C6orf141: variants seen among roughly 807,000 people sequenced by gnomAD.
C6orf141 encodes the protein uncharacterized protein C6orf141.
For missense variants in C6orf141, 361 were observed against 335.8 expected, an observed-to-expected ratio of 1.07 and a Z score of -0.59; for synonymous variants, 164 against 140.5, an observed-to-expected ratio of 1.17 and a Z score of -1.18.
downstream of C6orf141, among the ~76,000 whole-genome samples, chr6:49,555,733 C>T (rs561633616): frequency 2.0e-5 from 3 of 152,076 alleles, no homozygotes; most frequent in South Asian, 6.2e-4. Flanking sequence ...TGGTCTCGAT[C>T]TCCTGATCTC....
At position 49,551,271 on chromosome 6, in the gene C6orf141, T is replaced by G. The variant is rs1167353580; in HGVS notation, c.479T>G (p.Val160Gly). ...GCAGACCCACCCAAATACGTGCTTG[T>G]GCGGGTGGAGGATTATCAGGTAACA... ...DAADPPKYVL[V>G]RVEDYQVTQE... Residue 160 changes from valine to glycine, a missense_variant, in exon 1 of 1, where the codon GTG becomes GGG. Val to Gly is a moderately radical substitution (Grantham distance 109). Transcript: ENST00000529246. 1.2e-5 allele frequency: 19 copies of G among 1,551,652 alleles called. No homozygotes were observed. Among genetic ancestry groups the G allele is most frequent in the East Asian group, 1.2e-4 (5 of 40,900 alleles).
chr6:49,560,645 G>T (rs1390892799), intron 4 of C6orf141: 1 of 152,232 alleles, frequency 6.6e-6, no homozygotes, highest in Non-Finnish European at 1.5e-5. Flanking sequence ...GGGATTACAG[G>T]CGCCTGCAAC....
At chr6:49,557,879 C>G (rs1263151012) in intron 4 of C6orf141, among the ~76,000 whole-genome samples, 4 of 151,912 alleles carry the variant, frequency 2.6e-5, no homozygotes, top group Admixed American at 2.6e-4. Context: ...TCCCCTAATG[C>G]AATAGTTTTT....
At chr6:49,559,347 TTA>T (rs1772805667) in intron 4 of C6orf141, among the ~76,000 whole-genome samples, 1 of 151,448 alleles carries the variant, frequency 6.6e-6, no homozygotes, top group Non-Finnish European at 1.5e-5. Flanking sequence ...GATAATCACA[TTA>T]TACTTGTTTA....
intron 4 of C6orf141, among the ~76,000 whole-genome samples, chr6:49,559,832 G>C (rs1772916680): frequency 6.6e-6 from 1 of 152,166 alleles, no homozygotes; most frequent in Non-Finnish European, 1.5e-5. Flanking sequence ...TCGGAATGCA[G>C]TCAGCTTCTG....
chr6:49,550,918 AGCTCCGGGCGCCCGGAATCCC>A lies in C6orf141; in HGVS notation c.129_149del (p.Pro44_Ala50del). On this transcript the variant is annotated inframe_deletion, in exon 1 of 1. Coordinates refer to ENST00000529246, the MANE Select transcript of C6orf141 (RefSeq NM_001145652.2). ...GGGAGGTAGGGCGCGGGGCTCCGCT[AGCTCCGGGCGCCCGGAATCCC>A]GCGACGGCAGGGGCGAGCCGAAGCC... The A allele has an allele frequency of 1.9e-6, 3 of 1,541,418 alleles. No homozygotes were observed. The highest frequency in any genetic ancestry group is 2.6e-6 in the Non-Finnish European group (3 of 1,143,966).
chr6:49,559,856 A>T (rs1332313069), intron 4 of C6orf141, among the ~76,000 whole-genome samples: 1 of 152,168 alleles, frequency 6.6e-6, no homozygotes, highest in Non-Finnish European at 1.5e-5. Flanking sequence ...GGATTCTCTA[A>T]CTGGTGTCCC....
chr6:49,558,726 G>A lies in C6orf141; in HGVS notation c.*764-2978G>A, dbSNP rs550529051. Among the ~76,000 whole-genome samples, 10 of 151,808 alleles carry A rather than the reference G, an allele frequency of 6.6e-5. No homozygotes were observed. In the East Asian group the frequency reaches 7.8e-4, roughly 12 times the overall value. On this transcript the variant is annotated intron_variant and NMD_transcript_variant, in intron 4 of 4. Coordinates refer to the C6orf141 transcript ENST00000371194. ...TTCGTATTTTTTTTGGGGGGGGTGC[G>A]GGATGGAGTCTTGCTCTGTTGCCCA... is the stretch of plus-strand genomic sequence containing the variant.
rs1770593141 is a variant in C6orf141, at chr6:49,551,512, G to A, written c.720G>A (p.Glu240=). 6.4e-7 allele frequency: 1 copy of A among 1,551,064 alleles called. No individual in the cohort carries two copies. Among genetic ancestry groups the A allele is most frequent in the Non-Finnish European group, 8.7e-7 (1 of 1,146,966 alleles). ...CACCGTCTCCAGGGACTTGGCTCGA[G>A]GAAATTAAACTCTAATGAGTAGCTC... ...RVSPSPGTWL[E]EIKL is the part of the protein sequence containing the mutation. The change falls in exon 1 of 1, where the codon GAG becomes GAA. Residue 240 remains glutamate (E), a synonymous_variant. Transcript: ENST00000529246.
chr6:49,554,529 C>T (rs1392511502), downstream of C6orf141, among the ~76,000 whole-genome samples: 1 of 132,738 alleles, frequency 7.5e-6, no homozygotes, highest in Non-Finnish European at 1.6e-5. Flanking sequence ...TACATGCGCC[C>T]GCCACCATGC....
exon 5 of C6orf141, chr6:49,561,859 T>C (rs6929256): frequency 0.53 from 79,949 of 151,186 alleles, 21,555 homozygotes; most frequent in Admixed American, 0.67. Context: ...TATTCTTTTT[T>C]GTTAATTTTT....
At chr6:49,558,080 T>TTG (rs1468940952) in intron 4 of C6orf141, among the ~76,000 whole-genome samples, 2 of 138,254 alleles carry the variant, frequency 1.4e-5, no homozygotes, top group Non-Finnish European at 3.1e-5. Context: ...TTTTTTTTTT[T>TTG]TTTAGTAGAG....
intron 4 of C6orf141, among the ~76,000 whole-genome samples, chr6:49,557,716 C>A (rs1238557663): frequency 6.6e-6 from 1 of 152,058 alleles, no homozygotes; most frequent in Non-Finnish European, 1.5e-5. Flanking sequence ...AGGGTGGAAG[C>A]CCAGCTTCTC....
downstream of C6orf141, chr6:49,555,379 A>G (rs1225432784): frequency 6.6e-6 from 1 of 152,244 alleles, no homozygotes; most frequent in Non-Finnish European, 1.5e-5. Flanking sequence ...AAAAGAAGAT[A>G]TAATAAAGGA....
downstream of C6orf141, among the ~76,000 whole-genome samples, chr6:49,552,764 G>C (rs185558795): frequency 3.3e-3 from 504 of 152,364 alleles, 3 homozygotes; most frequent in African/African-American, 0.011. Flanking sequence ...TAGAGGTCTT[G>C]TAGCATGTCT....
chr6:49,551,460 G>C lies in C6orf141; in HGVS notation c.668G>C (p.Arg223Pro). 6.4e-7 allele frequency: 1 copy of C among 1,551,586 alleles called. No individual in the cohort carries two copies. ...CTCCAGGCACGAACAGGGGCATCCC[G>C]CGTCCACGCCGCGGGGAGGAGGGTT... ...RALQARTGAS[R>P]VHAAGRRVSP... Residue 223 changes from arginine (R) to proline (P), a missense_variant, in exon 1 of 1, where the codon CGC (arginine) becomes CCC (proline). Physicochemically the swap from Arg to Pro is moderately radical, Grantham distance 103. Coordinates refer to ENST00000529246, the MANE Select transcript of C6orf141 (RefSeq NM_001145652.2).
chr6:49,550,973 G>T lies in C6orf141; in HGVS notation c.181G>T (p.Gly61Cys). ...TAGASRSQGG[G>C]HEDRTADRAL... Reference sequence around the variant, plus strand: ...AGGGGCGAGCCGAAGCCAGGGCGGCGGCCACGAGGACAGAACGGCAGATCG... The same window carrying T: ...AGGGGCGAGCCGAAGCCAGGGCGGCTGCCACGAGGACAGAACGGCAGATCG... The change falls in exon 1 of 1, where the codon GGC becomes TGC. Residue 61 changes from glycine (G) to cysteine (C), a missense_variant. Physicochemically the swap from Gly to Cys is radical, Grantham distance 159. Transcript: ENST00000529246. The T allele has an allele frequency of 1.3e-6, 2 of 1,550,462 alleles. No homozygotes were observed. The highest frequency in any genetic ancestry group is 1.7e-6 in the Non-Finnish European group (2 of 1,146,658).
downstream of C6orf141, among the ~76,000 whole-genome samples, chr6:49,553,751 G>A (rs938842674): frequency 2.7e-5 from 4 of 146,550 alleles, no homozygotes; most frequent in African/African-American, 1.0e-4. Context: ...TTTGTTAAGT[G>A]GGGACAATAA....
Position 49,550,939 on chromosome 6 carries a change from C to A in C6orf141, c.147C>A (p.Pro49=). The change falls in exon 1 of 1, where the codon CCC becomes CCA. Residue 49 remains proline (P), a synonymous_variant. Transcript: ENST00000529246. The part of the protein sequence containing the change: ...GAPLAPGARN[P]ATAGASRSQG... ...CGCTAGCTCCGGGCGCCCGGAATCC[C>A]GCGACGGCAGGGGCGAGCCGAAGCC... The A allele has an allele frequency of 6.5e-7, 1 of 1,544,908 alleles. No homozygotes were observed. Among genetic ancestry groups the A allele is most frequent in the East Asian group, 2.5e-5 (1 of 40,782 alleles).
Sources: gnomAD v4.1 joint callset for allele counts (sites outside exome capture counted in the v4.1 genomes callset) on GRCh38, gnomAD v4.1.1 for gene constraint, MANE v1.5 for transcripts, NCBI Gene and HGNC (gene_info 2026-07-23, HGNC 2026-07-21) for gene names.